Variants in IBTK observed in about 807,000 individuals in gnomAD.
IBTK encodes the protein inhibitor of Bruton tyrosine kinase.
In IBTK, 83 loss-of-function variants were observed where a neutral mutation model predicts 154.9. That is an observed-to-expected ratio of 0.54 (90% CI 0.45 to 0.64). The LOEUF is 0.64. Ranked by LOEUF, IBTK falls within the 30% of genes least tolerant of loss-of-function variation. IBTK has a pLI of 0.00. For missense variants in IBTK, 1,332 were observed against 1,584.6 expected (o/e 0.84, Z 2.71); for synonymous variants, 515 against 536.1 (o/e 0.96, Z 0.54).
intron 6 of IBTK, 110 bp from the exon 7 acceptor site, chr6:82,224,295 C>T: frequency 1.3e-6 from 1 of 743,576 alleles, no homozygotes; most frequent in Non-Finnish European, 2.3e-6. Flanking sequence ...GTTAGTGGTC[C>T]ACTCAAGTGC....
chr6:82,174,241 T>C (rs1366015476), intron 26 of IBTK, among the ~76,000 whole-genome samples: 4 of 152,286 alleles, frequency 2.6e-5, no homozygotes, highest in East Asian at 3.9e-4. Context: ...TACACATTTA[T>C]TGAGCATGTC....
rs924442007 is a variant in IBTK at position 82,190,531 on chromosome 6, G to T, written c.3575+542C>A. The stretch of plus-strand genomic sequence containing the variant: ...CCTCTTTGGAGGTTATTCCAATGCT[G>T]CCACTATGTGTAAATTCCAATGGAG... On this transcript the variant is annotated intron_variant, in intron 25 of 28. Transcript: ENST00000306270. Among the ~76,000 whole-genome samples, 11 of 152,196 alleles carry T rather than the reference G, an allele frequency of 7.2e-5. No homozygotes were observed. In the East Asian group the frequency reaches 2.1e-3, roughly 29 times the overall value.
intron 1 of IBTK, among the ~76,000 whole-genome samples, chr6:82,246,651 T>C (rs2127832786): frequency 6.6e-6 from 1 of 152,194 alleles, no homozygotes; most frequent in East Asian, 1.9e-4. Flanking sequence ...CTTCTGCAAA[T>C]ATTTGCAAAT....
At position 82,214,363 on chromosome 6, in the gene IBTK, G is replaced by C; in HGVS notation, c.2068C>G (p.Gln690Glu). 6.2e-7 allele frequency: 1 copy of C among 1,614,020 alleles called. No individual in the cohort carries two copies. Among genetic ancestry groups the C allele is most frequent in the Non-Finnish European group, 8.5e-7 (1 of 1,179,982 alleles). ...KSAFEVYKSN[Q>E]AQTVSERQKS... ...TGCCTCTCACTAACTGTTTGAGCTT[G>C]ATTACTTTTGTAAACTTCAAATGCA... is the stretch of plus-strand genomic sequence containing the variant. The change falls in exon 12 of 29, where the codon CAA (glutamine) becomes GAA (glutamate). Residue 690 changes from glutamine to glutamate, a missense_variant. This residue lies in a region of IBTK where 1,134 missense variants were observed against 1,274.7 expected (regional missense o/e 0.89). Coordinates refer to ENST00000306270, the MANE Select transcript of IBTK (RefSeq NM_015525.4).
rs749153646 is a variant in IBTK, at chr6:82,176,521, CAA to C, written c.3726-3085_3726-3084del. 6.2e-3 allele frequency among the ~76,000 whole-genome samples: 378 copies of C among 61,458 alleles called. 1 individual carries two copies. Among genetic ancestry groups the C allele is most frequent in the African/African-American group, 0.021 (341 of 16,136 alleles). The allele number at this position is 61,458 out of a possible 152,430, so 40.3% of individuals were successfully genotyped here. ...GGGTGACAAGAGCGAGAGTCCGTCT[CAA>C]AAAAAAAAAAAAAAAAAGAAACACA... is the stretch of plus-strand genomic sequence containing the variant. On this transcript the variant is annotated intron_variant, in intron 26 of 28. Coordinates refer to ENST00000306270, the MANE Select transcript of IBTK (RefSeq NM_015525.4).
intron 16 of IBTK, among the ~76,000 whole-genome samples, chr6:82,208,249 T>C (rs1273408604): frequency 6.6e-6 from 1 of 152,024 alleles, no homozygotes; most frequent in Non-Finnish European, 1.5e-5. Flanking sequence ...CATCATGTTA[T>C]ACACTATGAC....
chr6:82,230,620 A>G (rs1770469446), intron 4 of IBTK, among the ~76,000 whole-genome samples: 1 of 152,188 alleles, frequency 6.6e-6, no homozygotes, highest in Non-Finnish European at 1.5e-5. Context: ...AGAATTTGAG[A>G]TTTATAACAT....
At chr6:82,246,718 C>G (rs1344817395) in intron 1 of IBTK, among the ~76,000 whole-genome samples, 1 of 152,046 alleles carries the variant, frequency 6.6e-6, no homozygotes, top group Non-Finnish European at 1.5e-5. Context: ...ATTTCTAAAA[C>G]AAATAAAAGT....
At chr6:82,201,542 T>C in intron 18 of IBTK, 60 bp from the exon 19 acceptor site, 16 of 1,151,298 alleles carry the variant, frequency 1.4e-5, no homozygotes, top group Non-Finnish European at 2.0e-5. Context: ...ACTGTCAAGT[T>C]GCTTACATAC....
chr6:82,220,444 T>G (rs1770054648), intron 9 of IBTK, 146 bp downstream of exon 9: 2 of 732,374 alleles, frequency 2.7e-6, no homozygotes, highest in Admixed American at 6.0e-5. Context: ...AATGGATGTC[T>G]AAAACATACT....
intron 3 of IBTK, among the ~76,000 whole-genome samples, chr6:82,232,061 TG>T (rs200045280): frequency 3.7e-5 from 4 of 106,962 alleles, no homozygotes; most frequent in South Asian, 3.4e-4. Flanking sequence ...TTTTTGTTGT[TG>T]TTTTTTTTTA....
chr6:82,193,445 A>T (rs1319766440), intron 23 of IBTK, among the ~76,000 whole-genome samples: 1 of 152,174 alleles, frequency 6.6e-6, no homozygotes, highest in African/African-American at 2.4e-5. Context: ...AAAAATTGAA[A>T]CTAATTTCTG....
At chr6:82,242,577 C>A (rs1770993005) in intron 1 of IBTK, among the ~76,000 whole-genome samples, 1 of 152,050 alleles carries the variant, frequency 6.6e-6, no homozygotes, top group Admixed American at 6.6e-5. Context: ...TTGATATAGT[C>A]CTCATAAAAA....
At chr6:82,172,595 G>T in intron 27 of IBTK, 83 bp from the exon 28 acceptor site, 1 of 1,268,278 alleles carries the variant, frequency 7.9e-7, no homozygotes, top group Non-Finnish European at 1.1e-6. Flanking sequence ...TTTTAGCAAT[G>T]CTACAATTCT....
At position 82,191,116 on chromosome 6, in the gene IBTK, C is replaced by T; in HGVS notation, c.3532G>A (p.Val1178Ile). The T allele has an allele frequency of 6.2e-7, 1 of 1,600,502 alleles. No homozygotes were observed. The highest frequency in any genetic ancestry group is 8.5e-7 in the Non-Finnish European group (1 of 1,172,480). The change falls in exon 25 of 29, where the codon GTT (valine) becomes ATT (isoleucine). Residue 1178 changes from valine (V) to isoleucine (I), a missense_variant. Physicochemically the swap from Val to Ile is conservative, Grantham distance 29 (BLOSUM62 3). Around this residue, in one of 3 missense-constraint regions of IBTK, gnomAD observed 1,134 missense variants for 1,274.7 expected, o/e 0.89. Transcript: ENST00000306270. ...NNSGMNSMETVLFTPSKAPKP... is the reference protein window; with the variant it reads ...NNSGMNSMETILFTPSKAPKP... ...GGGGCTTTTGAAGGAGTGAATAAAA[C>T]TGTTTCCATGCTATTCATTCCTGAA... is the stretch of plus-strand genomic sequence containing the variant.
intron 2 of IBTK, among the ~76,000 whole-genome samples, chr6:82,234,720 T>A (rs1321246875): frequency 6.6e-6 from 1 of 152,170 alleles, no homozygotes; most frequent in Non-Finnish European, 1.5e-5. Context: ...TTATCTCTCA[T>A]ATTCACACAC....
At chr6:82,244,304 G>C (rs2127831622) in intron 1 of IBTK, among the ~76,000 whole-genome samples, 1 of 152,300 alleles carries the variant, frequency 6.6e-6, no homozygotes, top group Non-Finnish European at 1.5e-5. Flanking sequence ...CTTCTCCAAA[G>C]AAATCATTAT....
At chr6:82,214,853 T>G in intron 11 of IBTK, 24 bp from the exon 12 acceptor site, 1 of 1,522,090 alleles carries the variant, frequency 6.6e-7, no homozygotes, top group Non-Finnish European at 8.8e-7. Flanking sequence ...AAAAACAAAT[T>G]ATGCTTCAAA....
In IBTK at chr6:82,172,412, T is replaced by C; in HGVS notation, c.3898A>G (p.Arg1300Gly). The change falls in exon 28 of 29, where the codon AGA (arginine) becomes GGA (glycine). Residue 1300 changes from arginine to glycine, a missense_variant. Physicochemically the swap from Arg to Gly is moderately radical, Grantham distance 125. Around this residue, in one of 3 missense-constraint regions of IBTK, gnomAD observed 1,134 missense variants for 1,274.7 expected, o/e 0.89. Transcript: ENST00000306270. ...AGAGCCAACGGTTTTTCTCGACTTC[T>C]AATAAGAGCTGCTTCTTGTTGTAGT... is the stretch of plus-strand genomic sequence containing the variant. ...EELQQEAALIRSREKPLALIQ... is the reference protein window; with the variant it reads ...EELQQEAALIGSREKPLALIQ... 1 of 1,614,040 alleles carries C rather than the reference T, an allele frequency of 6.2e-7. No individual in the cohort carries two copies. The highest frequency in any genetic ancestry group is 1.1e-5 in the South Asian group (1 of 91,060).
Sources: allele counts gnomAD v4.1 joint callset (sites outside exome capture counted in the v4.1 genomes callset), GRCh38; gene constraint gnomAD v4.1.1; regional missense constraint gnomAD v4.1.1; transcripts MANE v1.5; gene names NCBI Gene and HGNC (gene_info 2026-07-23, HGNC 2026-07-21).